DNAH9: variants seen among roughly 807,000 people sequenced by gnomAD.
DNAH9 encodes DNAH9 variant protein.
DNAH9 carries 345 observed loss-of-function variants against 471.6 expected under a neutral mutation model. That is an observed-to-expected ratio of 0.73 (90% confidence interval 0.67 to 0.80). The LOEUF is 0.80. Ranked by LOEUF, DNAH9 falls within the 30% of genes least tolerant of loss-of-function variation. The probability of loss-of-function intolerance (pLI) is 0.00; values close to 1 mark genes in which losing one functional copy is unlikely to be tolerated. For synonymous variants in DNAH9, 2,093 were observed against 2,123.6 expected (o/e 0.99, Z 0.40); for missense variants, 5,407 against 5,609.2 (o/e 0.96, Z 1.15).
intron 6 of DNAH9, among the ~76,000 whole-genome samples, chr17:11,620,130 G>T (rs749742049): frequency 6.6e-6 from 1 of 151,016 alleles, no homozygotes; most frequent in Non-Finnish European, 1.5e-5. Context: ...TGGGAGGATG[G>T]CTTGAGCATA....
intron 38 of DNAH9, among the ~76,000 whole-genome samples, chr17:11,775,822 G>C (rs2150887142): frequency 2.0e-5 from 3 of 152,018 alleles, no homozygotes; most frequent in African/African-American, 7.2e-5. Context: ...TCAATCTCCT[G>C]ACCTCGTGAT....
intron 65 of DNAH9, among the ~76,000 whole-genome samples, chr17:11,936,171 G>A (rs1974706736): frequency 6.6e-6 from 1 of 152,192 alleles, no homozygotes; most frequent in Non-Finnish European, 1.5e-5. Flanking sequence ...GGCCTGCACA[G>A]AACGCTGGAG....
intron 50 of DNAH9, among the ~76,000 whole-genome samples, chr17:11,867,878 A>G (rs1239931963): frequency 1.3e-5 from 2 of 152,204 alleles, no homozygotes; most frequent in Admixed American, 6.5e-5. Flanking sequence ...GGATGGAGAT[A>G]TGAGGTCAAG....
chr17:11,969,389 C>CT lies in DNAH9; in HGVS notation c.13324dup (p.Cys4442LeufsTer13). Reference sequence around the variant, plus strand: ...AGGCCATTCCTGCAGATAAGCAGGACTGCCGCAGTGTCTATTCCTGTCCTG... The same window carrying CT: ...AGGCCATTCCTGCAGATAAGCAGGACTTGCCGCAGTGTCTATTCCTGTCCTG... On this transcript the variant is annotated frameshift_variant, in exon 69 of 69. Coordinates refer to ENST00000262442, the MANE Select transcript of DNAH9 (RefSeq NM_001372.4). LOFTEE classifies it high-confidence loss of function. 6.2e-7 allele frequency: 1 copy of CT among 1,614,060 alleles called. No homozygotes were observed. Among genetic ancestry groups the CT allele is most frequent in the Non-Finnish European group, 8.5e-7 (1 of 1,180,004 alleles).
chr17:11,769,438 C>T, intron 38 of DNAH9, 109 bp downstream of exon 38: 1 of 933,194 alleles, frequency 1.1e-6, no homozygotes, highest in Admixed American at 2.1e-5. Context: ...TCTGCATACC[C>T]CAGCACTGCG....
At position 11,756,558 on chromosome 17, in the gene DNAH9, T is replaced by A. The variant is rs780288368; in HGVS notation, c.6739-10T>A. 1.9e-6 allele frequency: 3 copies of A among 1,563,992 alleles called. No homozygotes were observed. The African/African-American group carries it at 4.1e-5, about 21-fold the overall frequency. On this transcript the variant is annotated splice_polypyrimidine_tract_variant and intron_variant, in intron 33 of 68. Transcript: ENST00000262442. Reference sequence around the variant, plus strand: ...TTCCTCACTGGCATGCCCTTCCCTGTTGTCTCCAGGTGCTGACATTGGCCA... The same window carrying A: ...TTCCTCACTGGCATGCCCTTCCCTGATGTCTCCAGGTGCTGACATTGGCCA...
Position 11,652,882 on chromosome 17 carries a change from A to G in DNAH9, c.2475A>G (p.Ile825Met). ...QNIMKTWVTP[I>M]FKTKDGKRES... is the part of the protein sequence containing the mutation. ...TCATGAAAACATGGGTGACTCCAAT[A>G]TTTAAGACAAAAGATGGAAAAAGGG... Residue 825 changes from isoleucine (I) to methionine (M), a missense_variant, in exon 14 of 69, where the codon ATA becomes ATG. By Grantham distance (10) the Ile-to-Met change is conservative. Coordinates refer to ENST00000262442, the MANE Select transcript of DNAH9 (RefSeq NM_001372.4). 6.2e-7 allele frequency: 1 copy of G among 1,614,126 alleles called. No individual in the cohort carries two copies. Among genetic ancestry groups the G allele is most frequent in the Non-Finnish European group, 8.5e-7 (1 of 1,179,976 alleles).
chr17:11,638,867 G>T (rs2073212416), intron 9 of DNAH9, among the ~76,000 whole-genome samples: 1 of 152,174 alleles, frequency 6.6e-6, no homozygotes, highest in Non-Finnish European at 1.5e-5. Context: ...ATGACTATAG[G>T]AGTGAGGTCC....
At chr17:11,681,137 C>G (rs2074126486) in intron 19 of DNAH9, among the ~76,000 whole-genome samples, 1 of 152,146 alleles carries the variant, frequency 6.6e-6, no homozygotes, top group South Asian at 2.1e-4. Flanking sequence ...CTAGAAGCAT[C>G]TTTGTGCCTC....
At chr17:11,659,579 A>G (rs1462222326) in intron 14 of DNAH9, among the ~76,000 whole-genome samples, 2 of 152,222 alleles carry the variant, frequency 1.3e-5, no homozygotes, top group Admixed American at 6.5e-5. Context: ...CTCTCCCAAG[A>G]TCATAAATTC....
intron 28 of DNAH9, among the ~76,000 whole-genome samples, chr17:11,733,685 G>A (rs551728510): frequency 2.0e-5 from 3 of 151,832 alleles, no homozygotes; most frequent in East Asian, 1.9e-4. Flanking sequence ...GTGAAACCCC[G>A]TCTCTACTAA....
intron 11 of DNAH9, among the ~76,000 whole-genome samples, chr17:11,645,505 A>G (rs1482748669): frequency 6.6e-6 from 1 of 152,090 alleles, no homozygotes; most frequent in Non-Finnish European, 1.5e-5. Context: ...TACCAAATCC[A>G]ATAATGTCAC....
In DNAH9 at chr17:11,652,799, C is replaced by A; in HGVS notation, c.2392C>A (p.His798Asn). 2 of 1,613,596 alleles carry A rather than the reference C, an allele frequency of 1.2e-6. No individual in the cohort carries two copies. The change falls in exon 14 of 69, where the codon CAT becomes AAT. Residue 798 changes from histidine (H) to asparagine (N), a missense_variant. Physicochemically the swap from His to Asn is moderately conservative, Grantham distance 68 (BLOSUM62 1). Coordinates refer to ENST00000262442, the MANE Select transcript of DNAH9 (RefSeq NM_001372.4). Reference protein sequence around the residue: ...DYVTEITSSIHDLEQRIQKTK... With the variant: ...DYVTEITSSINDLEQRIQKTK... ...TGTCACTGAAATCACCAGTAGTATT[C>A]ATGATCTTGAACAAAGAATTCAGAA...
rs566614610 is a variant in DNAH9 at position 11,603,007 on chromosome 17, T to C, written c.417+4092T>C. On this transcript the variant is annotated intron_variant, in intron 1 of 68. Transcript: ENST00000262442. ...TACCCAATTTGAGTGCCATGCTCCT[T>C]CATGATCATCATACCCTTGCATCAG... Among the ~76,000 whole-genome samples, 2 of 152,282 alleles carry C rather than the reference T, an allele frequency of 1.3e-5. 1 individual carries two copies. Among genetic ancestry groups the C allele is most frequent in the African/African-American group, 4.8e-5 (2 of 41,560 alleles).
intron 44 of DNAH9, 102 bp downstream of exon 44, chr17:11,807,996 C>T (rs2150925090): frequency 7.7e-7 from 1 of 1,299,060 alleles, no homozygotes; most frequent in Non-Finnish European, 1.1e-6. Context: ...TCTGGAGCCT[C>T]CCCTTCAATG....
At chr17:11,953,597 G>A (rs113929765) in intron 67 of DNAH9, among the ~76,000 whole-genome samples, 199 of 152,112 alleles carry the variant, frequency 1.3e-3, no homozygotes, top group Middle Eastern at 3.4e-3. Flanking sequence ...GGATCACGAG[G>A]TCAGGAGATC....
At chr17:11,930,974 C>G (rs1184611082) in intron 63 of DNAH9, among the ~76,000 whole-genome samples, 1 of 152,128 alleles carries the variant, frequency 6.6e-6, no homozygotes, top group Non-Finnish European at 1.5e-5. Context: ...TATGTTGTAG[C>G]GTATTTATTT....
intron 59 of DNAH9, among the ~76,000 whole-genome samples, chr17:11,901,692 T>C (rs1306369652): frequency 6.6e-6 from 1 of 152,162 alleles, no homozygotes; most frequent in Non-Finnish European, 1.5e-5. Context: ...CGACACTCCG[T>C]CTCAAAACAA....
intron 64 of DNAH9, among the ~76,000 whole-genome samples, chr17:11,933,399 A>G (rs1482415917): frequency 6.7e-6 from 1 of 148,434 alleles, no homozygotes; most frequent in East Asian, 2.0e-4. Context: ...TTTTTTTTTG[A>G]GATGGAGTTT....
Sources: allele counts gnomAD v4.1 joint callset (sites outside exome capture counted in the v4.1 genomes callset), GRCh38; gene constraint gnomAD v4.1.1; transcripts MANE v1.5; gene names NCBI Gene and HGNC (gene_info 2026-07-23, HGNC 2026-07-21).